ETS1: variants seen among roughly 807,000 people sequenced by gnomAD.
ETS1 encodes the protein protein C-ets-1.
In ETS1, 15 loss-of-function variants were observed where a neutral mutation model predicts 58.6. The ratio of observed to expected loss-of-function variants is 0.26; its 90% CI spans 0.17 to 0.39. The LOEUF (loss-of-function observed/expected upper bound fraction) is 0.39, where lower values mean the gene tolerates loss of function less well. Ranked by LOEUF, ETS1 falls within the 10% of genes least tolerant of loss-of-function variation. ETS1 has a pLI of 1.00. For missense variants in ETS1, 417 were observed against 610.5 expected, an observed-to-expected ratio of 0.68 and a Z score of 3.34; for synonymous variants, 214 against 218.2, an observed-to-expected ratio of 0.98 and a Z score of 0.17.
intron 3 of ETS1, among the ~76,000 whole-genome samples, chr11:128,554,349 T>C (rs1292135369): frequency 6.6e-6 from 1 of 152,104 alleles, no homozygotes; most frequent in African/African-American, 2.4e-5. Context: ...GAATGGTTAT[T>C]ATATGCCCCA....
chr11:128,486,101 G>A lies in ETS1; in HGVS notation c.581C>T (p.Pro194Leu), dbSNP rs779901133. 2 of 1,611,610 alleles carry A rather than the reference G, an allele frequency of 1.2e-6. No homozygotes were observed. Among genetic ancestry groups the A allele is most frequent in the Non-Finnish European group, 1.7e-6 (2 of 1,177,946 alleles). Reference sequence around the variant, plus strand: ...GTAATCCGAGGTATAGCGGGATTCTGGATAGGCTGGGTTGACTCCATTAAC... The same window carrying A: ...GTAATCCGAGGTATAGCGGGATTCTAGATAGGCTGGGTTGACTCCATTAAC... ...YQVNGVNPAY[P>L]ESRYTSDYFI... The change falls in exon 6 of 10, where the codon CCA (proline) becomes CTA (leucine). Residue 194 changes from proline to leucine, a missense_variant. Pro to Leu is a moderately conservative substitution (Grantham distance 98). Transcript: ENST00000392668.
At chr11:128,510,155 TG>T (rs758229764) in intron 3 of ETS1, among the ~76,000 whole-genome samples, 7 of 152,320 alleles carry the variant, frequency 4.6e-5, no homozygotes, top group East Asian at 3.9e-4. Context: ...GACTCACCCT[TG>T]GGGAGCTCAT....
intron 1 of ETS1, among the ~76,000 whole-genome samples, chr11:128,586,393 T>A (rs1249455510): frequency 6.6e-6 from 1 of 151,012 alleles, no homozygotes; most frequent in East Asian, 2.0e-4. Flanking sequence ...CTGCAGCCCT[T>A]GTGCACAGCC....
At chr11:128,576,249 C>T (rs1034985256) in intron 1 of ETS1, among the ~76,000 whole-genome samples, 1 of 152,152 alleles carries the variant, frequency 6.6e-6, no homozygotes, top group African/African-American at 2.4e-5. Context: ...AAAAAGAACC[C>T]GCCCTTTTTC....
intron 4 of ETS1, among the ~76,000 whole-genome samples, chr11:128,490,089 T>C (rs975567646): frequency 3.3e-5 from 5 of 152,238 alleles, no homozygotes; most frequent in African/African-American, 1.2e-4. Flanking sequence ...GTAGTATTGA[T>C]AACATGCAAT....
rs374577646 is a variant in ETS1 at position 128,499,047 on chromosome 11, C to T, written c.215-8471G>A. On this transcript the variant is annotated intron_variant, in intron 3 of 9. Coordinates refer to ENST00000392668, the MANE Select transcript of ETS1 (RefSeq NM_001143820.2). The stretch of plus-strand genomic sequence containing the variant: ...GGCTTTGCAGAGAACCACATTGCAT[C>T]CTATTGGTTCTTCCCACATCTTACA... Among the ~76,000 whole-genome samples the T allele has an allele frequency of 5.9e-5, 9 of 152,290 alleles. No individual in the cohort carries two copies. In the East Asian group the frequency reaches 1.3e-3, roughly 23 times the overall value.
intron 2 of ETS1, among the ~76,000 whole-genome samples, chr11:128,564,552 C>A (rs1236480459): frequency 6.6e-6 from 1 of 152,122 alleles, no homozygotes; most frequent in Non-Finnish European, 1.5e-5. Context: ...AGCCTGAGAC[C>A]AGGACAGCCT....
intron 3 of ETS1, among the ~76,000 whole-genome samples, chr11:128,516,006 GAGCGT>G (rs1337611272): frequency 6.6e-6 from 1 of 152,114 alleles, no homozygotes; most frequent in Non-Finnish European, 1.5e-5. Flanking sequence ...GCAATATTTT[GAGCGT>G]GTCTGTTAAG....
chr11:128,568,193 C>T (rs547592665), intron 2 of ETS1, among the ~76,000 whole-genome samples: 3 of 152,238 alleles, frequency 2.0e-5, no homozygotes, highest in African/African-American at 7.2e-5. Context: ...TTCCTAAAGC[C>T]CGCATGGCCA....
chr11:128,463,778 G>A lies in ETS1; in HGVS notation c.1124-151C>T. The A allele has an allele frequency of 1.7e-6, 1 of 579,668 alleles. No homozygotes were observed. Among genetic ancestry groups the A allele is most frequent in the South Asian group, 2.1e-5 (1 of 46,568 alleles). The allele number at this position is 579,668 out of a possible 1,614,324, so 35.9% of individuals were successfully genotyped here. A position where few individuals can be genotyped will look rare whatever the true frequency, so the allele number is the denominator to read the frequency against. On this transcript the variant is annotated intron_variant, in intron 8 of 9. Coordinates refer to ENST00000392668, the MANE Select transcript of ETS1 (RefSeq NM_001143820.2). This position sits in a 1 kb window ranked among gnomAD's most constrained non-coding sequence, Gnocchi z 4.1. The stretch of plus-strand genomic sequence containing the variant: ...ACAGACAGTGCACATGTCGGAGGAA[G>A]TGTTATGAGCTCGAACAGATAGAAA...
At position 128,569,318 on chromosome 11, in the gene ETS1, C is replaced by CTTTTTTT. The variant is rs398018017; in HGVS notation, c.69+3737_69+3743dup. ...TACCATACATGGGACAGAGTTTCTT[C>CTTTTTTT]TTTTTTTTTTTTTTTTTTTTTTTTG... On this transcript the variant is annotated intron_variant, in intron 2 of 9. Transcript: ENST00000392668. Among the ~76,000 whole-genome samples, 118 of 39,462 alleles carry CTTTTTTT rather than the reference C, an allele frequency of 3.0e-3. 33 individuals are homozygous for CTTTTTTT. The highest frequency in any genetic ancestry group is 0.012 in the African/African-American group (110 of 9,124). The allele number at this position is 39,462 out of a possible 152,430, so 25.9% of individuals were successfully genotyped here. A position where few individuals can be genotyped will look rare whatever the true frequency, so the allele number is the denominator to read the frequency against.
chr11:128,548,329 CG>C (rs1343065344), intron 3 of ETS1, among the ~76,000 whole-genome samples: 1 of 150,902 alleles, frequency 6.6e-6, no homozygotes, highest in African/African-American at 2.5e-5. Flanking sequence ...ACATTCAATA[CG>C]TTTTTTTTTT....
chr11:128,487,058 T>TA (rs1433460605), intron 5 of ETS1, among the ~76,000 whole-genome samples: 3 of 152,234 alleles, frequency 2.0e-5, no homozygotes, highest in Non-Finnish European at 2.9e-5. Flanking sequence ...ATAAAATGAT[T>TA]AAACTTTGCT....
Position 128,556,278 on chromosome 11 carries a change from T to C in ETS1, c.214+13A>G, listed in dbSNP as rs765595748. 6.3e-7 allele frequency: 1 copy of C among 1,597,122 alleles called. No homozygotes were observed. Among genetic ancestry groups the C allele is most frequent in the South Asian group, 1.1e-5 (1 of 88,094 alleles). On this transcript the variant is annotated intron_variant, in intron 3 of 9. Coordinates refer to ENST00000392668, the MANE Select transcript of ETS1 (RefSeq NM_001143820.2). ...ACTCTATCCTCATTCCCAGCTTTTG[T>C]TTATGTTCCTACCTGAGACACAGTG... is the stretch of plus-strand genomic sequence containing the variant.
chr11:128,515,885 C>T (rs1028053409), intron 3 of ETS1, among the ~76,000 whole-genome samples: 1 of 152,158 alleles, frequency 6.6e-6, no homozygotes, highest in African/African-American at 2.4e-5. Context: ...TAATAAGCCA[C>T]ATTTGAAGTG....
chr11:128,473,502 A>G (rs1363307263), intron 8 of ETS1, among the ~76,000 whole-genome samples: 1 of 152,248 alleles, frequency 6.6e-6, no homozygotes, highest in Non-Finnish European at 1.5e-5. Context: ...TTAGCTTGCC[A>G]AAGGTTACAC....
Position 128,477,720 on chromosome 11 carries a change from A to G in ETS1, c.1123+2471T>C, listed in dbSNP as rs181150971. ...CAATAGGAGAATCCAGTTCAAGTCTAAGGATATTTAAAATATCTTGAATCC... is the reference window on the plus strand; with the variant it reads ...CAATAGGAGAATCCAGTTCAAGTCTGAGGATATTTAAAATATCTTGAATCC... On this transcript the variant is annotated intron_variant, in intron 8 of 9. Transcript: ENST00000392668. 8.0e-4 allele frequency among the ~76,000 whole-genome samples: 122 copies of G among 152,352 alleles called. 2 individuals are homozygous for G. The highest frequency in any genetic ancestry group is 1.4e-3 in the Non-Finnish European group (92 of 68,040).
intron 3 of ETS1, chr11:128,530,290 G>A (rs556843196): frequency 6.6e-6 from 1 of 152,318 alleles, no homozygotes; most frequent in African/African-American, 2.4e-5. Flanking sequence ...CATGACTCAT[G>A]AGGTGGAACA....
chr11:128,482,804 C>T (rs978400055), intron 7 of ETS1, among the ~76,000 whole-genome samples: 2 of 152,126 alleles, frequency 1.3e-5, no homozygotes, highest in African/African-American at 2.4e-5. Context: ...AGAAGGGCCT[C>T]GGCGAGCTCC....
Sources: allele counts gnomAD v4.1 joint callset (sites outside exome capture counted in the v4.1 genomes callset), GRCh38; gene constraint gnomAD v4.1.1; non-coding constraint Gnocchi (gnomAD v3.1); transcripts MANE v1.5; gene names NCBI Gene and HGNC (gene_info 2026-07-23, HGNC 2026-07-21).